Variants in TCF19 observed in about 807,000 individuals in gnomAD.
TCF19 encodes transcription factor SC1.
In TCF19, 9 loss-of-function variants were observed where a neutral mutation model predicts 18.3. The ratio of observed to expected loss-of-function variants is 0.49; its 90% confidence interval spans 0.30 to 0.86. The LOEUF (loss-of-function observed/expected upper bound fraction) is 0.86, where lower values mean the gene tolerates loss of function less well. Among genes scored for constraint, TCF19 ranks in the 40% least tolerant of loss-of-function variants. TCF19 has a pLI of 0.07. For missense variants in TCF19, 376 were observed against 464.3 expected (o/e 0.81, Z 1.75); for synonymous variants, 176 against 185.3 (o/e 0.95, Z 0.41).
In TCF19 at chr6:31,162,946, T is replaced by G; in HGVS notation, c.*229T>G. 1 of 1,407,468 alleles carries G rather than the reference T, an allele frequency of 7.1e-7. No homozygotes were observed. Among genetic ancestry groups the G allele is most frequent in the Non-Finnish European group, 9.2e-7 (1 of 1,086,068 alleles). The allele number at this position is 1,407,468 out of a possible 1,614,324, so 87.2% of individuals were successfully genotyped here. On this transcript the variant is annotated 3_prime_UTR_variant, in exon 4 of 4. Transcript: ENST00000376257. The surrounding 1 kb of genome is among the most constrained non-coding windows in gnomAD (Gnocchi z 4.5). ...ATTGCCACCTCCAGGAAATTGCCAG[T>G]GAGCTGGAAGTTCCCACTATTACAA...
Position 31,159,304 on chromosome 6 carries a change from G to C in TCF19, c.-166G>C. On this transcript the variant is annotated 5_prime_UTR_variant, in exon 2 of 4. Transcript: ENST00000376257. ...TTGAGTCCTAGGCTGCTTGCACTCT[G>C]AATTTGGGCTATTCAGGTAGTGTGC... 1 of 667,182 alleles carries C rather than the reference G, an allele frequency of 1.5e-6. No homozygotes were observed. The highest frequency in any genetic ancestry group is 2.6e-6 in the Non-Finnish European group (1 of 388,726). 41.3% of individuals were successfully genotyped at this position (667,182 alleles called of 1,614,324 possible). A position where few individuals can be genotyped will look rare whatever the true frequency, so the allele number is the denominator to read the frequency against.
In TCF19 at chr6:31,159,564, G is replaced by A. The variant is rs1311589937; in HGVS notation, c.95G>A (p.Arg32His). ...HPPAGAGCTY[R>H]LGHRADLCDV... ...CCCGCCGGGGCTGGCTGCACCTATC[G>A]CTTGGGCCACAGGGCCGACCTGTGT... Residue 32 changes from arginine to histidine, a missense_variant, in exon 2 of 4, where the codon CGC (arginine) becomes CAC (histidine). By Grantham distance (29) the Arg-to-His change is conservative (BLOSUM62 0). Coordinates refer to ENST00000376257, the MANE Select transcript of TCF19 (RefSeq NM_007109.3). 6.2e-7 allele frequency: 1 copy of A among 1,611,456 alleles called. No homozygotes were observed. The highest frequency in any genetic ancestry group is 8.5e-7 in the Non-Finnish European group (1 of 1,179,582).
chr6:31,158,651 AG>A lies in TCF19; in HGVS notation c.-641del, dbSNP rs1776482615. On this transcript the variant is annotated 5_prime_UTR_variant, in exon 1 of 4. It introduces an in-frame stop codon into an upstream open reading frame of the 5' UTR. Transcript: ENST00000376257. ...ACGTCGGCTCCTGCCGAGGAGCCCA[AG>A]GGGTCCCGGGATCCGCCGCACAGGC... 1 of 152,234 alleles carries A rather than the reference AG, an allele frequency of 6.6e-6. No individual in the cohort carries two copies. Among genetic ancestry groups the A allele is most frequent in the African/African-American group, 2.4e-5 (1 of 41,464 alleles). 9.4% of individuals were successfully genotyped at this position (152,234 alleles called of 1,614,324 possible). A position where few individuals can be genotyped will look rare whatever the true frequency, so the allele number is the denominator to read the frequency against.
At position 31,162,392 on chromosome 6, in the gene TCF19, C is replaced by T; in HGVS notation, c.798-85C>T. 1 of 1,522,296 alleles carries T rather than the reference C, an allele frequency of 6.6e-7. No individual in the cohort carries two copies. 94.3% of individuals were successfully genotyped at this position (1,522,296 alleles called of 1,614,324 possible). The stretch of plus-strand genomic sequence containing the variant: ...AGACCACTGTGCCTCTGTGGCCTCA[C>T]CCTATGACCAGCCATAGGGTGGCAA... On this transcript the variant is annotated intron_variant, in intron 3 of 3. Coordinates refer to ENST00000376257, the MANE Select transcript of TCF19 (RefSeq NM_007109.3). This position sits in a 1 kb window ranked among gnomAD's most constrained non-coding sequence, Gnocchi z 4.5.
chr6:31,163,740 T>C lies in TCF19; in HGVS notation c.*1023T>C, dbSNP rs1023367140. The stretch of plus-strand genomic sequence containing the variant: ...AAGCCAAACTATTGTCAAAGCATCA[T>C]TTCTATAGAAATAAAGCCTTATCTT... On this transcript the variant is annotated 3_prime_UTR_variant, in exon 4 of 4. Transcript: ENST00000376257. The C allele has an allele frequency of 5.1e-6, 5 of 985,500 alleles. No homozygotes were observed. The highest frequency in any genetic ancestry group is 6.0e-6 in the Non-Finnish European group (5 of 829,968). 61.0% of individuals were successfully genotyped at this position (985,500 alleles called of 1,614,324 possible). A position where few individuals can be genotyped will look rare whatever the true frequency, so the allele number is the denominator to read the frequency against.
At position 31,162,797 on chromosome 6, in the gene TCF19, C is replaced by A. The variant is rs984337413; in HGVS notation, c.*80C>A. 2.7e-5 allele frequency: 42 copies of A among 1,528,206 alleles called. No individual in the cohort carries two copies. In the East Asian group the frequency reaches 3.2e-4, roughly 12 times the overall value. 94.7% of individuals were successfully genotyped at this position (1,528,206 alleles called of 1,614,324 possible). ...GAGCAAATAGGTCTGATAAATACCCCCCTTCCCTTCCCTCCCCAGGAGGGA... is the reference window on the plus strand; with the variant it reads ...GAGCAAATAGGTCTGATAAATACCCACCTTCCCTTCCCTCCCCAGGAGGGA... On this transcript the variant is annotated 3_prime_UTR_variant, in exon 4 of 4. Coordinates refer to ENST00000376257, the MANE Select transcript of TCF19 (RefSeq NM_007109.3). The surrounding 1 kb of genome is among the most constrained non-coding windows in gnomAD (Gnocchi z 4.5).
In TCF19 at chr6:31,159,323, A is replaced by G; in HGVS notation, c.-147A>G. 1.4e-6 allele frequency: 1 copy of G among 729,826 alleles called. No homozygotes were observed. The highest frequency in any genetic ancestry group is 2.3e-6 in the Non-Finnish European group (1 of 443,086). 45.2% of individuals were successfully genotyped at this position (729,826 alleles called of 1,614,324 possible). A position where few individuals can be genotyped will look rare whatever the true frequency, so the allele number is the denominator to read the frequency against. The stretch of plus-strand genomic sequence containing the variant: ...CACTCTGAATTTGGGCTATTCAGGT[A>G]GTGTGCTCAAAGTTGAAACCGCATA... On this transcript the variant is annotated 5_prime_UTR_variant, in exon 2 of 4. Transcript: ENST00000376257.
At chr6:31,160,672 T>C (rs1291479446) in intron 2 of TCF19, among the ~76,000 whole-genome samples, 1 of 151,888 alleles carries the variant, frequency 6.6e-6, no homozygotes, top group African/African-American at 2.4e-5. Flanking sequence ...AGCAGCAGAA[T>C]CACTTGAACC....
Position 31,159,159 on chromosome 6 carries a change from A to G in TCF19, c.-311A>G. On this transcript the variant is annotated 5_prime_UTR_variant, in exon 2 of 4. Transcript: ENST00000376257. ...GCCTTGCAGATTGGAGGCTCCCCAA[A>G]TATTTTGCGATCTGAGGATCCAGCT... 1 of 404,920 alleles carries G rather than the reference A, an allele frequency of 2.5e-6. No homozygotes were observed. The highest frequency in any genetic ancestry group is 4.4e-6 in the Non-Finnish European group (1 of 226,174). The allele number at this position is 404,920 out of a possible 1,614,324, so 25.1% of individuals were successfully genotyped here.
rs561325229 is a variant in TCF19 at position 31,158,669 on chromosome 6, C to T, written c.-627C>T. 6.6e-6 allele frequency: 1 copy of T among 152,330 alleles called. No individual in the cohort carries two copies. The highest frequency in any genetic ancestry group is 6.5e-5 in the Admixed American group (1 of 15,308). 9.4% of individuals were successfully genotyped at this position (152,330 alleles called of 1,614,324 possible). A position where few individuals can be genotyped will look rare whatever the true frequency, so the allele number is the denominator to read the frequency against. ...GAGCCCAAGGGGTCCCGGGATCCGCCGCACAGGCTGGCACTGCTTGAAGAG... is the reference window on the plus strand; with the variant it reads ...GAGCCCAAGGGGTCCCGGGATCCGCTGCACAGGCTGGCACTGCTTGAAGAG... On this transcript the variant is annotated 5_prime_UTR_variant, in exon 1 of 4. Coordinates refer to ENST00000376257, the MANE Select transcript of TCF19 (RefSeq NM_007109.3).
In TCF19 at chr6:31,159,703, C is replaced by G; in HGVS notation, c.234C>G (p.Ser78Arg). The G allele has an allele frequency of 6.2e-7, 1 of 1,614,098 alleles. No homozygotes were observed. Among genetic ancestry groups the G allele is most frequent in the Middle Eastern group, 1.7e-4 (1 of 6,058 alleles). ...GGGTCAGCCTGGAAGACCACAGCAG[C>G]CAAGGTGAGCATTAAGCAGGGCAGC... ...DWRVSLEDHS[S>R]QGTLVNNVRL... The change falls in exon 2 of 4, where the codon AGC (serine) becomes AGG (arginine). Residue 78 changes from serine (S) to arginine (R), a missense_variant. Transcript: ENST00000376257.
At position 31,162,002 on chromosome 6, in the gene TCF19, C is replaced by G. The variant is rs559299508; in HGVS notation, c.794C>G (p.Thr265Ser). ...GTAGACAAAGCCCCACTGACTCCCA[C>G]TGGGTAAGTGGAGTCCTCACTTGGC... Reference protein sequence around the residue: ...LRVDKAPLTPTGNRRGRPRKY... With the variant: ...LRVDKAPLTPSGNRRGRPRKY... The change falls in exon 3 of 4, where the codon ACT (threonine) becomes AGT (serine). Residue 265 changes from threonine (T) to serine (S), a missense_variant. Thr to Ser is a moderately conservative substitution (Grantham distance 58, BLOSUM62 1). Transcript: ENST00000376257. The surrounding 1 kb of genome is among the most constrained non-coding windows in gnomAD (Gnocchi z 4.5). The G allele has an allele frequency of 6.2e-7, 1 of 1,606,062 alleles. No homozygotes were observed. The highest frequency in any genetic ancestry group is 1.7e-5 in the Admixed American group (1 of 59,584).
rs1166658131 is a variant in TCF19, at chr6:31,159,641, G to T, written c.172G>T (p.Ala58Ser). 1 of 1,613,978 alleles carries T rather than the reference G, an allele frequency of 6.2e-7. No individual in the cohort carries two copies. Among genetic ancestry groups the T allele is most frequent in the African/African-American group, 1.3e-5 (1 of 75,064 alleles). ...GCCTGGCCTCATCTCTGGGATCCAC[G>T]CCGAACTGCATGCCGAGCCCCGGGG... The part of the protein sequence containing the change: ...QEPGLISGIH[A>S]ELHAEPRGDD... Residue 58 changes from alanine to serine, a missense_variant, in exon 2 of 4, where the codon GCC becomes TCC. Ala to Ser is a moderately conservative substitution (Grantham distance 99). Coordinates refer to ENST00000376257, the MANE Select transcript of TCF19 (RefSeq NM_007109.3).
In TCF19 at chr6:31,162,467, C is replaced by T; in HGVS notation, c.798-10C>T. The stretch of plus-strand genomic sequence containing the variant: ...TCCGGTGACCCTTGTGTCTGTGTCA[C>T]TTCCTTCAGAAATCGACGTGGCCGT... On this transcript the variant is annotated splice_polypyrimidine_tract_variant and intron_variant, in intron 3 of 3. Coordinates refer to ENST00000376257, the MANE Select transcript of TCF19 (RefSeq NM_007109.3). This position sits in a 1 kb window ranked among gnomAD's most constrained non-coding sequence, Gnocchi z 4.5. 2 of 1,488,760 alleles carry T rather than the reference C, an allele frequency of 1.3e-6. No homozygotes were observed. Among genetic ancestry groups the T allele is most frequent in the Non-Finnish European group, 1.8e-6 (2 of 1,119,148 alleles). The allele number at this position is 1,488,760 out of a possible 1,614,324, so 92.2% of individuals were successfully genotyped here. A position where few individuals can be genotyped will look rare whatever the true frequency, so the allele number is the denominator to read the frequency against.
At chr6:31,160,349 C>A (rs1776682484) in intron 2 of TCF19, among the ~76,000 whole-genome samples, 1 of 152,158 alleles carries the variant, frequency 6.6e-6, no homozygotes, top group African/African-American at 2.4e-5. Flanking sequence ...TGGTTTACAC[C>A]TATAATCCAG....
chr6:31,158,950 A>G lies in TCF19; in HGVS notation c.-520A>G, dbSNP rs1776522781. 6.5e-6 allele frequency: 1 copy of G among 154,170 alleles called. No homozygotes were observed. Among genetic ancestry groups the G allele is most frequent in the African/African-American group, 2.4e-5 (1 of 41,476 alleles). 9.6% of individuals were successfully genotyped at this position (154,170 alleles called of 1,614,324 possible). A position where few individuals can be genotyped will look rare whatever the true frequency, so the allele number is the denominator to read the frequency against. On this transcript the variant is annotated 5_prime_UTR_variant, in exon 2 of 4. Transcript: ENST00000376257. ...AGTTATGAGTGAGGGATTGGCCAGA[A>G]GATCGGGGCGCAGGCAAGCAGGAGT...
chr6:31,160,037 G>A (rs1222180241), intron 2 of TCF19, among the ~76,000 whole-genome samples: 1 of 152,216 alleles, frequency 6.6e-6, no homozygotes, highest in Non-Finnish European at 1.5e-5. Context: ...CTGGGTTAGG[G>A]CAGTTCTATG....
chr6:31,163,492 C>A lies in TCF19; in HGVS notation c.*775C>A. Reference sequence around the variant, plus strand: ...AAGGTAACTGGGATTTGGTTAAGTTCACAAAGATAGCAGAAGATTTATTTA... The same window carrying A: ...AAGGTAACTGGGATTTGGTTAAGTTAACAAAGATAGCAGAAGATTTATTTA... On this transcript the variant is annotated 3_prime_UTR_variant, in exon 4 of 4. Transcript: ENST00000376257. The A allele has an allele frequency of 1.0e-6, 1 of 985,420 alleles. No individual in the cohort carries two copies. Among genetic ancestry groups the A allele is most frequent in the Non-Finnish European group, 1.2e-6 (1 of 829,946 alleles). 61.0% of individuals were successfully genotyped at this position (985,420 alleles called of 1,614,324 possible). A position where few individuals can be genotyped will look rare whatever the true frequency, so the allele number is the denominator to read the frequency against.
At position 31,161,766 on chromosome 6, in the gene TCF19, G is replaced by T; in HGVS notation, c.558G>T (p.Arg186=). The change falls in exon 3 of 4, where the codon CGG becomes CGT. Residue 186 remains arginine (R), a synonymous_variant. Coordinates refer to ENST00000376257, the MANE Select transcript of TCF19 (RefSeq NM_007109.3). ...CCATAGGCAGCCTCAGCAAGCTCCG[G>T]CCCCAGCCCCTCACCTTCTCCCCTA... is the stretch of plus-strand genomic sequence containing the variant. ...LNSIGSLSKL[R]PQPLTFSPSW... 1 of 1,601,560 alleles carries T rather than the reference G, an allele frequency of 6.2e-7. No individual in the cohort carries two copies. Among genetic ancestry groups the T allele is most frequent in the Non-Finnish European group, 8.5e-7 (1 of 1,173,754 alleles).
Sources: allele counts gnomAD v4.1 joint callset (sites outside exome capture counted in the v4.1 genomes callset), GRCh38; gene constraint gnomAD v4.1.1; non-coding constraint Gnocchi (gnomAD v3.1); transcripts MANE v1.5; gene names NCBI Gene and HGNC (gene_info 2026-07-23, HGNC 2026-07-21).